BCORL1: variants seen among roughly 807,000 people sequenced by gnomAD.
BCORL1 encodes BCL-6 corepressor-like protein 1.
Under a neutral mutation model 87.6 loss-of-function variants are expected in BCORL1, and 7 were observed. The observed-to-expected ratio is 0.08, with a 90% CI of 0.05 to 0.15. BCORL1 has a LOEUF of 0.15. BCORL1 is among the 10% of genes least tolerant of loss of function. The probability of loss-of-function intolerance (pLI) is 1.00; values close to 1 mark genes in which losing one functional copy is unlikely to be tolerated. For synonymous variants in BCORL1, 591 were observed against 634.4 expected (o/e 0.93, Z 1.03); for missense variants, 1,215 against 1,499.7 (o/e 0.81, Z 3.13).
Position 130,021,083 on chromosome X carries a change from CAAGCACCGG to C in BCORL1, c.3545_3553del (p.His1182_Lys1184del). 1 of 1,201,507 alleles carries C rather than the reference CAAGCACCGG, an allele frequency of 8.3e-7. No homozygotes were observed. Among genetic ancestry groups the C allele is most frequent in the Non-Finnish European group, 1.1e-6 (1 of 891,630 alleles). On this transcript the variant is annotated inframe_deletion, in exon 5 of 14. Coordinates refer to ENST00000540052, the MANE Select transcript of BCORL1 (RefSeq NM_001379451.1). ...AGCACAATGGAGTCAGGGGAAAGCA[CAAGCACCGG>C]AAGCCGACAAAGCCGGAGTCCCAGT...
chrX:130,039,308 GT>G, intron 11 of BCORL1, 26 bp downstream of exon 11: 2 of 1,202,498 alleles, frequency 1.7e-6, no homozygotes, highest in Non-Finnish European at 1.1e-6. Flanking sequence ...ACTTGACACT[GT>G]TGTCCTTGGG....
At chrX:130,040,443 G>A (rs1229773338) in intron 11 of BCORL1, among the ~76,000 whole-genome samples, 1 of 112,273 alleles carries the variant, frequency 8.9e-6, no homozygotes, top group Non-Finnish European at 1.9e-5. Flanking sequence ...GGAGGCTGTC[G>A]CGGGAGATCT....
At chrX:130,031,770 C>T (rs967675209) in intron 8 of BCORL1, among the ~76,000 whole-genome samples, 7 of 110,918 alleles carry the variant, frequency 6.3e-5, no homozygotes, top group Non-Finnish European at 1.9e-5. Flanking sequence ...GGTGCCAGAG[C>T]GAGACTCTGT....
At position 130,034,519 on chromosome X, in the gene BCORL1, C is replaced by T. The variant is rs1381338537; in HGVS notation, c.4370C>T (p.Thr1457Ile). 1.0e-6 allele frequency: 1 copy of T among 983,394 alleles called. No individual in the cohort carries two copies. Among genetic ancestry groups the T allele is most frequent in the Admixed American group, 3.0e-5 (1 of 33,083 alleles). The allele number at this position is 983,394 out of a possible 1,213,427, so 81.0% of individuals were successfully genotyped here. Residue 1457 changes from threonine to isoleucine, a missense_variant, in exon 9 of 14, where the codon ACA becomes ATA. By Grantham distance (89) the Thr-to-Ile change is moderately conservative (BLOSUM62 -1). Transcript: ENST00000540052. ...AAATCTCCCACCCCAGTGAAACCCA[C>T]AGAACCATGTACACCCTCTAAGTCC... ...SPKSPTPVKPTEPCTPSKSRS... is the reference protein window; with the variant it reads ...SPKSPTPVKPIEPCTPSKSRS...
intron 11 of BCORL1, among the ~76,000 whole-genome samples, chrX:130,045,848 G>T (rs1931711986): frequency 9.1e-6 from 1 of 110,270 alleles, no homozygotes; most frequent in Non-Finnish European, 1.9e-5. Flanking sequence ...GAACTCCTGA[G>T]CTCAGGTGAT....
At chrX:129,987,432 G>A (rs886405876) in intron 1 of BCORL1, among the ~76,000 whole-genome samples, 3 of 112,117 alleles carry the variant, frequency 2.7e-5, no homozygotes, top group African/African-American at 9.7e-5. Flanking sequence ...TGCCCTGAGA[G>A]GGCCCAGGAA....
chrX:130,035,884 G>A (rs1388278876), intron 9 of BCORL1, among the ~76,000 whole-genome samples: 1 of 112,480 alleles, frequency 8.9e-6, no homozygotes, highest in Non-Finnish European at 1.9e-5. Context: ...GGTGAGGAGG[G>A]TGGGAAGCCT....
At chrX:130,004,013 A>G (rs1273103852) in intron 1 of BCORL1, among the ~76,000 whole-genome samples, 1 of 112,116 alleles carries the variant, frequency 8.9e-6, no homozygotes, top group Non-Finnish European at 1.9e-5. Flanking sequence ...GGTTCTGTTC[A>G]GTTGAACTTC....
chrX:130,045,864 T>A (rs1225062781), intron 11 of BCORL1, among the ~76,000 whole-genome samples: 1 of 110,726 alleles, frequency 9.0e-6, no homozygotes, highest in Admixed American at 9.7e-5. Flanking sequence ...GTGATCTGCC[T>A]GCCCTGGCCT....
chrX:130,003,560 A>G (rs1394840748), intron 1 of BCORL1, among the ~76,000 whole-genome samples: 3 of 110,140 alleles, frequency 2.7e-5, no homozygotes, highest in African/African-American at 9.9e-5. Context: ...TAGTAGAGAC[A>G]GGGTTTCTCC....
upstream of BCORL1, among the ~76,000 whole-genome samples, chrX:129,980,808 G>A (rs180956060): frequency 0.06 from 6,402 of 105,831 alleles, 284 homozygotes; most frequent in Non-Finnish European, 0.095. Context: ...CTGGGCGTGG[G>A]GGCGGGGGGC....
chrX:129,991,240 C>CTT (rs1927126619), intron 1 of BCORL1, among the ~76,000 whole-genome samples: 1 of 111,712 alleles, frequency 9.0e-6, no homozygotes, highest in African/African-American at 3.3e-5. Flanking sequence ...CCTCAGCCTT[C>CTT]TGAGTAGCTG....
At chrX:130,046,590 A>G (rs1239397383) in intron 11 of BCORL1, among the ~76,000 whole-genome samples, 8 of 108,149 alleles carry the variant, frequency 7.4e-5, no homozygotes, top group Non-Finnish European at 1.3e-4. Flanking sequence ...TCTGTCACCC[A>G]GGCTGGACTG....
intron 1 of BCORL1, among the ~76,000 whole-genome samples, chrX:129,995,436 G>GTTTATT (rs999749698): frequency 9.0e-6 from 1 of 111,398 alleles, no homozygotes; most frequent in Non-Finnish European, 1.9e-5. Context: ...CATTAAATAA[G>GTTTATT]TTTATTTTTA....
chrX:130,020,262 C>T (rs184350402), intron 4 of BCORL1, among the ~76,000 whole-genome samples: 2 of 111,930 alleles, frequency 1.8e-5, no homozygotes, highest in East Asian at 2.8e-4. Context: ...TTGGAGCCTC[C>T]GTTTTCTTAT....
intron 8 of BCORL1, among the ~76,000 whole-genome samples, chrX:130,031,204 A>G (rs1930581131): frequency 1.8e-5 from 2 of 112,623 alleles, no homozygotes; most frequent in Middle Eastern, 4.2e-3. Context: ...TTTACCCAGC[A>G]TCCTCCAGTC....
At chrX:130,049,025 G>C (rs770423885) in intron 11 of BCORL1, among the ~76,000 whole-genome samples, 1 of 112,433 alleles carries the variant, frequency 8.9e-6, no homozygotes, top group African/African-American at 3.2e-5. Flanking sequence ...CCACATTTTT[G>C]TCTGTTTATC....
intron 1 of BCORL1, among the ~76,000 whole-genome samples, chrX:129,984,063 A>T (rs1483237199): frequency 1.3e-4 from 8 of 59,387 alleles, no homozygotes; most frequent in Non-Finnish European, 9.1e-5. Context: ...GGGGAGTGGG[A>T]GGGCTTAGTG....
chrX:130,012,369 C>T (rs1341325632), intron 2 of BCORL1, among the ~76,000 whole-genome samples: 1 of 111,390 alleles, frequency 9.0e-6, no homozygotes, highest in Non-Finnish European at 1.9e-5. Flanking sequence ...AGACTGGGCT[C>T]TGGTAGGGAC....
Sources: gnomAD v4.1 joint callset for allele counts (sites outside exome capture counted in the v4.1 genomes callset) on GRCh38, gnomAD v4.1.1 for gene constraint, MANE v1.5 for transcripts, NCBI Gene and HGNC (gene_info 2026-07-23, HGNC 2026-07-21) for gene names.